Variants in PTH2R observed in about 807,000 individuals in gnomAD.
PTH2R encodes PTH2 receptor.
Under a neutral mutation model 60.3 loss-of-function variants are expected in PTH2R, and 59 were observed. That is an observed-to-expected ratio of 0.98 (90% CI 0.79 to 1.22). PTH2R has a LOEUF of 1.22. PTH2R is among the 50% of genes most tolerant of loss of function. The pLI, the probability that PTH2R is intolerant of heterozygous loss-of-function variation, is 0.00. For missense variants in PTH2R, 749 were observed against 682.6 expected (o/e 1.10, Z -1.08); for synonymous variants, 256 against 243.8 (o/e 1.05, Z -0.47).
chr2:208,482,856 A>C (rs893170303), intron 10 of PTH2R, among the ~76,000 whole-genome samples: 1 of 152,102 alleles, frequency 6.6e-6, no homozygotes, highest in African/African-American at 2.4e-5. Flanking sequence ...CCATTCCCAG[A>C]GCCACGAACA....
chr2:208,486,541 C>T (rs192640623), intron 10 of PTH2R, among the ~76,000 whole-genome samples: 5 of 152,186 alleles, frequency 3.3e-5, no homozygotes, highest in Admixed American at 1.3e-4. Context: ...ATTTTGAGAA[C>T]GGTCTCTGGG....
chr2:208,386,401 CT>C (rs1179163957), intron 1 of PTH2R, among the ~76,000 whole-genome samples: 2 of 152,184 alleles, frequency 1.3e-5, no homozygotes, highest in African/African-American at 4.8e-5. Flanking sequence ...TGTACTGTAT[CT>C]TGACTGTATC....
At position 208,461,738 on chromosome 2, in the gene PTH2R, G is replaced by A. The variant is rs143237943; in HGVS notation, c.981+1777G>A. 5.8e-3 allele frequency among the ~76,000 whole-genome samples: 881 copies of A among 152,314 alleles called. 4 individuals carry two copies. The highest frequency in any genetic ancestry group is 9.5e-3 in the Non-Finnish European group (643 of 68,020). On this transcript the variant is annotated intron_variant, in intron 9 of 12. Transcript: ENST00000272847. Reference sequence around the variant, plus strand: ...TAGGGCATTTTCCATGGAAATGACTGATTTTTATCCAAAGCTTTATAGTTT... The same window carrying A: ...TAGGGCATTTTCCATGGAAATGACTAATTTTTATCCAAAGCTTTATAGTTT...
chr2:208,374,508 AT>A, intron 1 of PTH2R, among the ~76,000 whole-genome samples: 1 of 151,994 alleles, frequency 6.6e-6, no homozygotes, highest in Non-Finnish European at 1.5e-5. Context: ...AACGACATTT[AT>A]TTATTTACTT....
intron 1 of PTH2R, among the ~76,000 whole-genome samples, chr2:208,386,866 T>C (rs1701012427): frequency 6.6e-6 from 1 of 152,154 alleles, no homozygotes; most frequent in Non-Finnish European, 1.5e-5. Context: ...ACTATCACAC[T>C]GGGAATTAGG....
intron 1 of PTH2R, among the ~76,000 whole-genome samples, chr2:208,395,420 G>A (rs1413830875): frequency 6.6e-6 from 1 of 152,164 alleles, no homozygotes; most frequent in Admixed American, 6.5e-5. Context: ...TGTAGAGGAT[G>A]TCTATTTCCA....
At chr2:208,477,502 A>C (rs989767992) in intron 9 of PTH2R, among the ~76,000 whole-genome samples, 6 of 151,520 alleles carry the variant, frequency 4.0e-5, no homozygotes. Context: ...TATTGGGTAC[A>C]GTGTACACTG....
chr2:208,489,160 G>A lies in PTH2R; in HGVS notation c.1215+10G>A, dbSNP rs770203923. Reference sequence around the variant, plus strand: ...CTTCAACTCCTTTCAGGTAAAGGGTGCTGCCTAGTCATCTGATTCTTGTAA... The same window carrying A: ...CTTCAACTCCTTTCAGGTAAAGGGTACTGCCTAGTCATCTGATTCTTGTAA... On this transcript the variant is annotated intron_variant, in intron 11 of 12. Transcript: ENST00000272847. 3 of 1,613,656 alleles carry A rather than the reference G, an allele frequency of 1.9e-6. No homozygotes were observed. Among genetic ancestry groups the A allele is most frequent in the Non-Finnish European group, 2.5e-6 (3 of 1,179,824 alleles).
intron 8 of PTH2R, among the ~76,000 whole-genome samples, chr2:208,456,535 G>A (rs1702518014): frequency 6.6e-6 from 1 of 152,214 alleles, no homozygotes; most frequent in African/African-American, 2.4e-5. Flanking sequence ...CATCTGCACA[G>A]GCTTTTGGGG....
chr2:208,466,609 A>G (rs1231126711), intron 9 of PTH2R: 1 of 152,166 alleles, frequency 6.6e-6, no homozygotes, highest in Non-Finnish European at 1.5e-5. Flanking sequence ...TGCATGGCAT[A>G]GAGACCTCCT....
intron 1 of PTH2R, among the ~76,000 whole-genome samples, chr2:208,425,488 T>C (rs569525186): frequency 1.3e-5 from 2 of 152,366 alleles, no homozygotes; most frequent in Non-Finnish European, 2.9e-5. Flanking sequence ...TACCTCTTAA[T>C]TTGCATATAA....
chr2:208,413,994 C>T (rs1003781803), intron 1 of PTH2R, among the ~76,000 whole-genome samples: 4 of 152,106 alleles, frequency 2.6e-5, no homozygotes, highest in African/African-American at 7.2e-5. Flanking sequence ...AGGCATATCC[C>T]CCACGTCTGC....
At chr2:208,369,299 A>T (rs138201838) in intron 1 of PTH2R, among the ~76,000 whole-genome samples, 3 of 152,172 alleles carry the variant, frequency 2.0e-5, no homozygotes, top group Non-Finnish European at 4.4e-5. Context: ...TGAAAGACAC[A>T]GAATTCCAAC....
intron 1 of PTH2R, among the ~76,000 whole-genome samples, chr2:208,422,074 C>T (rs1057225741): frequency 6.6e-6 from 1 of 152,150 alleles, no homozygotes; most frequent in Non-Finnish European, 1.5e-5. Flanking sequence ...CAGTCCAAGT[C>T]TGAAGGTCGG....
intron 8 of PTH2R, among the ~76,000 whole-genome samples, chr2:208,455,754 G>A (rs1702497803): frequency 6.6e-6 from 1 of 152,094 alleles, no homozygotes; most frequent in African/African-American, 2.4e-5. Flanking sequence ...ATCTTCAAAG[G>A]ATGAATGGGG....
intron 1 of PTH2R, among the ~76,000 whole-genome samples, chr2:208,381,071 G>C (rs948063379): frequency 6.6e-6 from 1 of 151,864 alleles, no homozygotes; most frequent in Admixed American, 6.6e-5. Context: ...CTTTCTTTTC[G>C]CATATGTTAT....
intron 7 of PTH2R, among the ~76,000 whole-genome samples, chr2:208,446,029 A>T (rs1036230797): frequency 1.3e-5 from 2 of 152,206 alleles, no homozygotes; most frequent in Non-Finnish European, 2.9e-5. Context: ...AATCAAAATT[A>T]TATCTGTGAA....
At chr2:208,377,862 G>A (rs887366205) in intron 1 of PTH2R, among the ~76,000 whole-genome samples, 18 of 151,148 alleles carry the variant, frequency 1.2e-4, no homozygotes, top group African/African-American at 3.7e-4. Flanking sequence ...GATGGTGGCC[G>A]GGAAGAGGCG....
chr2:208,375,348 G>A (rs1007784247), intron 1 of PTH2R, among the ~76,000 whole-genome samples: 1 of 152,072 alleles, frequency 6.6e-6, no homozygotes, highest in Non-Finnish European at 1.5e-5. Flanking sequence ...ATTGCTCAGA[G>A]AAGAAGGCTC....
Sources: allele counts gnomAD v4.1 joint callset (sites outside exome capture counted in the v4.1 genomes callset), GRCh38; gene constraint gnomAD v4.1.1; transcripts MANE v1.5; gene names NCBI Gene and HGNC (gene_info 2026-07-23, HGNC 2026-07-21).